PTK2: variants seen among roughly 807,000 people sequenced by gnomAD.
The protein encoded by PTK2 is protein tyrosine kinase 2, also known as focal adhesion kinase 1.
PTK2 carries 45 observed loss-of-function variants against 150.1 expected under a neutral mutation model. The observed-to-expected ratio is 0.30, with a 90% CI of 0.24 to 0.38. The LOEUF is 0.38. PTK2 is among the 10% of genes least tolerant of loss of function. The pLI is 1.00. For missense variants in PTK2, 919 were observed against 1,307.3 expected (o/e 0.70, Z 4.58); for synonymous variants, 432 against 449.2 (o/e 0.96, Z 0.48).
At chr8:140,737,291 T>TG (rs2100053137) in intron 21 of PTK2, among the ~76,000 whole-genome samples, 1 of 152,110 alleles carries the variant, frequency 6.6e-6, no homozygotes, top group African/African-American at 2.4e-5. Context: ...TTTGTAGAGA[T>TG]GGGGTCTTGC....
chr8:140,963,764 A>G (rs1311136794), intron 1 of PTK2, among the ~76,000 whole-genome samples: 1 of 152,180 alleles, frequency 6.6e-6, no homozygotes, highest in Non-Finnish European at 1.5e-5. Flanking sequence ...GCATCAAAGC[A>G]TACCTTCTAA....
At chr8:140,929,757 CT>C (rs35397973) in intron 1 of PTK2, among the ~76,000 whole-genome samples, 20 of 148,774 alleles carry the variant, frequency 1.3e-4, no homozygotes, top group South Asian at 2.1e-4. Flanking sequence ...GACCCTGGCA[CT>C]TTTTTTTTTT....
chr8:140,886,090 G>T (rs1319068587), intron 3 of PTK2, among the ~76,000 whole-genome samples: 1 of 152,160 alleles, frequency 6.6e-6, no homozygotes, highest in African/African-American at 2.4e-5. Context: ...GTAGGTTCTG[G>T]ATATATTTTT....
intron 4 of PTK2, among the ~76,000 whole-genome samples, chr8:140,867,780 C>A (rs1230507930): frequency 6.6e-6 from 1 of 152,342 alleles, no homozygotes; most frequent in East Asian, 1.9e-4. Context: ...CCTGCTTCAA[C>A]ACACTACAGT....
intron 22 of PTK2, chr8:140,734,592 C>G (rs368260594): frequency 2.3e-5 from 9 of 393,394 alleles, no homozygotes; most frequent in Admixed American, 1.1e-4. Context: ...CACTAATGTC[C>G]CTGCGTGCTT....
intron 3 of PTK2, among the ~76,000 whole-genome samples, chr8:140,887,828 T>G (rs2100152877): frequency 6.6e-6 from 1 of 152,226 alleles, no homozygotes; most frequent in African/African-American, 2.4e-5. Context: ...GTTTTCTTAC[T>G]CTTTGAAATG....
intron 10 of PTK2, among the ~76,000 whole-genome samples, chr8:140,814,806 G>C (rs1349284266): frequency 5.4e-5 from 8 of 146,958 alleles, no homozygotes; most frequent in African/African-American, 1.8e-4. Context: ...ACGGAGTCTC[G>C]CTCTGTTGCC....
chr8:140,766,611 T>C (rs1324711054), intron 14 of PTK2, among the ~76,000 whole-genome samples: 1 of 152,172 alleles, frequency 6.6e-6, no homozygotes, highest in Non-Finnish European at 1.5e-5. Flanking sequence ...GCTAAAACAG[T>C]GTCTAGCACA....
chr8:140,913,316 G>A (rs1424950561), intron 2 of PTK2, among the ~76,000 whole-genome samples: 1 of 79,354 alleles, frequency 1.3e-5, no homozygotes. Context: ...TTTTTTTTTT[G>A]ACAGAGTCTC....
At chr8:141,000,523 CTTTTGTTTTTCA>C (rs1164165702) in intron 1 of PTK2, among the ~76,000 whole-genome samples, 1 of 152,214 alleles carries the variant, frequency 6.6e-6, no homozygotes, top group African/African-American at 2.4e-5. Flanking sequence ...TGCCTCTCCC[CTTTTGTTTTTCA>C]GGCATTGGGT....
At position 140,776,556 on chromosome 8, in the gene PTK2, G is replaced by T. The variant is rs78641736; in HGVS notation, c.1178-12266C>A. Among the ~76,000 whole-genome samples, 16 of 152,344 alleles carry T rather than the reference G, an allele frequency of 1.1e-4. No homozygotes were observed. The East Asian group carries it at 2.5e-3, about 24-fold the overall frequency. On this transcript the variant is annotated intron_variant, in intron 14 of 31. Coordinates refer to ENST00000522684, the Ensembl canonical transcript of PTK2. Reference sequence around the variant, plus strand: ...TGTTAATAGATTGGATATGGGAGAAGAAAACAAAGAATAGCATCAAAAATA... The same window carrying T: ...TGTTAATAGATTGGATATGGGAGAATAAAACAAAGAATAGCATCAAAAATA...
At chr8:140,890,396 A>T (rs2100153821) in intron 3 of PTK2, 147 bp downstream of exon 3, 1 of 651,946 alleles carries the variant, frequency 1.5e-6, no homozygotes, top group African/African-American at 1.8e-5. Context: ...ATTAACTAAT[A>T]AATCTTATAA....
At chr8:140,659,320 G>A (rs1346300938) in exon 32 of PTK2, 2 of 636,256 alleles carry the variant, frequency 3.1e-6, no homozygotes, top group Non-Finnish European at 2.6e-6. Context: ...ACTTATATGA[G>A]AAAGATTTTT....
intron 29 of PTK2, chr8:140,674,005 C>T: frequency 1.9e-6 from 1 of 518,524 alleles, no homozygotes; most frequent in East Asian, 4.7e-5. Context: ...CTAAAGAAAA[C>T]ATTCTGTCTG....
intron 4 of PTK2, among the ~76,000 whole-genome samples, chr8:140,876,395 A>G (rs189075397): frequency 2.6e-5 from 4 of 152,042 alleles, no homozygotes; most frequent in Admixed American, 6.5e-5. Flanking sequence ...TTATCCCACT[A>G]TTTTCTTGGC....
In PTK2 at chr8:140,959,388, A is replaced by C. The variant is rs1587446221; in HGVS notation, c.-121-33639T>G. 3.3e-5 allele frequency among the ~76,000 whole-genome samples: 5 copies of C among 151,622 alleles called. No homozygotes were observed. In the South Asian group the frequency reaches 1.0e-3, roughly 32 times the overall value. On this transcript the variant is annotated intron_variant, in intron 1 of 31. Transcript: ENST00000522684. ...TACTAAAAATACAAAAAAAAAAAAA[A>C]ATTAGCCACGCATGGTGGCGGGTGC...
chr8:140,908,624 A>T (rs1261013968), intron 2 of PTK2, among the ~76,000 whole-genome samples: 1 of 152,118 alleles, frequency 6.6e-6, no homozygotes, highest in Non-Finnish European at 1.5e-5. Context: ...CATTCTGCAA[A>T]TCCTAAGGCC....
intron 2 of PTK2, among the ~76,000 whole-genome samples, chr8:140,892,077 G>A (rs533953050): frequency 1.1e-4 from 17 of 152,256 alleles, no homozygotes; most frequent in East Asian, 3.9e-4. Context: ...GCGTGGTAGC[G>A]TGTTCCTGTA....
intron 22 of PTK2, among the ~76,000 whole-genome samples, chr8:140,731,155 T>A (rs1416744455): frequency 2.0e-5 from 3 of 152,100 alleles, no homozygotes; most frequent in African/African-American, 7.2e-5. Flanking sequence ...AGACGGGGTT[T>A]CACCATGTTG....
Sources: gnomAD v4.1 joint callset for allele counts (sites outside exome capture counted in the v4.1 genomes callset) on GRCh38, gnomAD v4.1.1 for gene constraint, MANE v1.5 for transcripts, NCBI Gene and HGNC (gene_info 2026-07-23, HGNC 2026-07-21) for gene names.